Variants in EPHA7 observed in about 807,000 individuals in gnomAD.
EPHA7 encodes the protein ephrin type-A receptor 7.
In EPHA7, 25 loss-of-function variants were observed where a neutral mutation model predicts 112.6. The observed-to-expected ratio is 0.22, with a 90% CI of 0.16 to 0.31. EPHA7 has a LOEUF of 0.31. Among genes scored for constraint, EPHA7 ranks in the 10% least tolerant of loss-of-function variants. The pLI is 1.00. For synonymous variants in EPHA7, 437 were observed against 406.5 expected (o/e 1.07, Z -0.90); for missense variants, 962 against 1,212.6 (o/e 0.79, Z 3.07).
At chr6:93,370,942 G>C (rs1425624236) in intron 3 of EPHA7, among the ~76,000 whole-genome samples, 2 of 149,240 alleles carry the variant, frequency 1.3e-5, no homozygotes, top group Non-Finnish European at 3.0e-5. Flanking sequence ...TCAGGAGATC[G>C]AGACCATCCT....
intron 3 of EPHA7, among the ~76,000 whole-genome samples, chr6:93,373,886 A>G (rs1358163512): frequency 6.6e-6 from 1 of 152,126 alleles, no homozygotes; most frequent in African/African-American, 2.4e-5. Flanking sequence ...TTTGACATAT[A>G]CTAGTACATA....
Position 93,358,421 on chromosome 6 carries a change from C to T in EPHA7, c.833-10G>A, listed in dbSNP as rs1235609189. 1 of 1,572,996 alleles carries T rather than the reference C, an allele frequency of 6.4e-7. No individual in the cohort carries two copies. Among genetic ancestry groups the T allele is most frequent in the Non-Finnish European group, 8.6e-7 (1 of 1,161,232 alleles). On this transcript the variant is annotated splice_polypyrimidine_tract_variant and intron_variant, in intron 3 of 16. Transcript: ENST00000369303. Reference sequence around the variant, plus strand: ...AACCCACGGCCACAGGCTGGGAATGCAAAAGAAAGCAAAAATTGAGACATG... The same window carrying T: ...AACCCACGGCCACAGGCTGGGAATGTAAAAGAAAGCAAAAATTGAGACATG...
At chr6:93,261,670 T>C (rs1433563126) in intron 9 of EPHA7, among the ~76,000 whole-genome samples, 1 of 151,598 alleles carries the variant, frequency 6.6e-6, no homozygotes, top group African/African-American at 2.4e-5. Context: ...AACTTTTGTA[T>C]TTTAAAATAT....
At chr6:93,264,925 T>C (rs988644411) in intron 7 of EPHA7, among the ~76,000 whole-genome samples, 2 of 151,688 alleles carry the variant, frequency 1.3e-5, no homozygotes, top group African/African-American at 4.8e-5. Context: ...CAAAAGAACG[T>C]ATAAATGCCT....
intron 3 of EPHA7, among the ~76,000 whole-genome samples, chr6:93,375,992 G>A (rs546810866): frequency 2.0e-5 from 3 of 152,282 alleles, no homozygotes; most frequent in African/African-American, 7.2e-5. Context: ...TTTATGCCAT[G>A]TGGACATGGC....
intron 5 of EPHA7, among the ~76,000 whole-genome samples, chr6:93,295,551 T>C (rs188725921): frequency 2.0e-5 from 3 of 151,870 alleles, no homozygotes; most frequent in Non-Finnish European, 4.4e-5. Context: ...TGACGTTTTC[T>C]TCCACTGTGT....
At chr6:93,255,701 A>G (rs1207072071) in intron 13 of EPHA7, 127 bp downstream of exon 13, 2 of 778,122 alleles carry the variant, frequency 2.6e-6, no homozygotes, top group Non-Finnish European at 4.1e-6. Flanking sequence ...AAACAAAAAA[A>G]GCAACCTCAA....
intron 3 of EPHA7, among the ~76,000 whole-genome samples, chr6:93,405,366 G>A (rs1157781850): frequency 6.6e-6 from 1 of 151,700 alleles, no homozygotes; most frequent in Admixed American, 6.6e-5. Context: ...GGAAAAAAAG[G>A]GTTATGTAAA....
At chr6:93,254,862 C>T in intron 13 of EPHA7, 66 bp from the exon 14 acceptor site, 21 of 1,351,606 alleles carry the variant, frequency 1.6e-5, no homozygotes, top group Non-Finnish European at 2.0e-5. Flanking sequence ...ATGGCAATAC[C>T]ATAAATACAT....
At chr6:93,308,383 A>T (rs1050037940) in intron 5 of EPHA7, among the ~76,000 whole-genome samples, 1 of 152,080 alleles carries the variant, frequency 6.6e-6, no homozygotes, top group African/African-American at 2.4e-5. Flanking sequence ...AATTAGAAGC[A>T]CTACTTTATT....
At chr6:93,405,807 GTGTGTGTATATATA>G (rs1460546905) in intron 3 of EPHA7, among the ~76,000 whole-genome samples, 1,745 of 70,278 alleles carry the variant, frequency 0.025, 47 homozygotes, top group African/African-American at 0.085. Flanking sequence ...GTGTGTGTGT[GTGTGTGTATATATA>G]TATATATATA....
chr6:93,419,322 T>A lies in EPHA7; in HGVS notation c.20A>T (p.Tyr7Phe). ...GTAGCATAAAATAATCCATGAAGGG[T>A]ACCGAGTTTGAAAAACCATGGTGCA... Reference protein sequence around the residue: MVFQTRYPSWIILCYIW... With the variant: MVFQTRFPSWIILCYIW... Residue 7 changes from tyrosine to phenylalanine, a missense_variant, in exon 1 of 17, where the codon TAC (tyrosine) becomes TTC (phenylalanine). By Grantham distance (22) the Tyr-to-Phe change is conservative (BLOSUM62 3). This residue lies in a region of EPHA7 where 56 missense variants were observed against 59.9 expected (regional missense o/e 0.94). Transcript: ENST00000369303. 1 of 1,614,062 alleles carries A rather than the reference T, an allele frequency of 6.2e-7. No homozygotes were observed. The highest frequency in any genetic ancestry group is 8.5e-7 in the Non-Finnish European group (1 of 1,179,938).
intron 5 of EPHA7, among the ~76,000 whole-genome samples, chr6:93,284,405 G>GAAAC (rs1310497361): frequency 1.3e-5 from 2 of 151,588 alleles, no homozygotes; most frequent in East Asian, 3.9e-4. Flanking sequence ...AAGAAGAAAA[G>GAAAC]AAACAGGAAA....
intron 3 of EPHA7, among the ~76,000 whole-genome samples, chr6:93,386,385 A>G (rs1029508240): frequency 1.3e-5 from 2 of 152,180 alleles, no homozygotes; most frequent in Non-Finnish European, 2.9e-5. Context: ...AAAATCCAAT[A>G]GGGCAGTCAT....
At chr6:93,382,371 G>A (rs985728931) in intron 3 of EPHA7, among the ~76,000 whole-genome samples, 13 of 152,108 alleles carry the variant, frequency 8.5e-5, no homozygotes, top group African/African-American at 2.9e-4. Context: ...GTACTCCTAT[G>A]AGAATGTAAT....
intron 5 of EPHA7, among the ~76,000 whole-genome samples, chr6:93,328,400 A>G (rs896439762): frequency 4.0e-5 from 6 of 151,512 alleles, no homozygotes. Context: ...AGAGTAATGT[A>G]TGAAACATGT....
chr6:93,340,942 T>C (rs1424752119), intron 5 of EPHA7, among the ~76,000 whole-genome samples: 1 of 151,958 alleles, frequency 6.6e-6, no homozygotes, highest in Non-Finnish European at 1.5e-5. Context: ...GGTAGTAGTC[T>C]GTGAGAGAAC....
intron 6 of EPHA7, 111 bp downstream of exon 6, chr6:93,272,187 G>C: frequency 8.1e-7 from 1 of 1,233,006 alleles, no homozygotes; most frequent in Non-Finnish European, 1.1e-6. Context: ...TAACTACGAA[G>C]TTTGAAGTAG....
chr6:93,263,648 TTA>T (rs1334032276), intron 9 of EPHA7, among the ~76,000 whole-genome samples: 1 of 151,490 alleles, frequency 6.6e-6, no homozygotes, highest in African/African-American at 2.4e-5. Context: ...TATCCTGCAA[TTA>T]TATGACATTT....
Sources: gnomAD v4.1 joint callset for allele counts (sites outside exome capture counted in the v4.1 genomes callset) on GRCh38, gnomAD v4.1.1 for gene constraint, gnomAD v4.1.1 regional missense constraint, MANE v1.5 for transcripts, NCBI Gene and HGNC (gene_info 2026-07-23, HGNC 2026-07-21) for gene names.